ZNF846: variants seen among roughly 807,000 people sequenced by gnomAD.
ZNF846 encodes zinc finger protein 420 pseudogene.
In ZNF846, 15 loss-of-function variants were observed where a neutral mutation model predicts 16.0. That is an observed-to-expected ratio of 0.94 (90% CI 0.63 to 1.45). The LOEUF is 1.45. Among genes scored for constraint, ZNF846 ranks in the 40% most tolerant of loss-of-function variants. ZNF846 has a pLI of 0.00. For missense variants in ZNF846, 714 were observed against 622.3 expected, an observed-to-expected ratio of 1.15 and a Z score of -1.57; for synonymous variants, 229 against 212.0, an observed-to-expected ratio of 1.08 and a Z score of -0.70.
intron 1 of ZNF846, among the ~76,000 whole-genome samples, chr19:9,777,725 G>A (rs917543491): frequency 2.0e-5 from 3 of 151,888 alleles, no homozygotes; most frequent in South Asian, 2.1e-4. Context: ...GGCCAGGTGC[G>A]ATGGTTCATA....
At chr19:9,780,048 G>GTTTGT (rs2045485619) in intron 1 of ZNF846, among the ~76,000 whole-genome samples, 36 of 124,308 alleles carry the variant, frequency 2.9e-4, no homozygotes, top group African/African-American at 1.2e-3. Context: ...AGCTAATTTT[G>GTTTGT]TTTTTTTTTT....
At chr19:9,756,041 A>T (rs557105456), downstream of ZNF846, 1 of 148,910 alleles carries the variant, frequency 6.7e-6, no homozygotes, top group Non-Finnish European at 1.5e-5. Context: ...AGGTTTAACC[A>T]TGTTGGCAGG....
intron 1 of ZNF846, among the ~76,000 whole-genome samples, chr19:9,779,096 A>G (rs971684220): frequency 1.3e-4 from 20 of 152,186 alleles, no homozygotes; most frequent in African/African-American, 4.8e-4. Context: ...TGAGGGTTAG[A>G]TTAATATCCA....
At chr19:9,782,890 T>C (rs1448057593) in intron 1 of ZNF846, among the ~76,000 whole-genome samples, 2 of 151,878 alleles carry the variant, frequency 1.3e-5, no homozygotes, top group Admixed American at 6.6e-5. Context: ...TTCTACCTCT[T>C]CAAGCACTCC....
At chr19:9,768,511 G>A (rs1237427625) in exon 1 of ZNF846, 2 of 152,278 alleles carry the variant, frequency 1.3e-5, no homozygotes, top group East Asian at 3.9e-4. Flanking sequence ...AGAAGAGAAG[G>A]CGGGAACCCC....
chr19:9,758,757 C>T (rs1485073404), exon 6 of ZNF846: 2 of 1,560,660 alleles, frequency 1.3e-6, no homozygotes, highest in East Asian at 2.3e-5. Context: ...TGCAGTATTG[C>T]TTCTCTCCTG....
chr19:9,785,634 C>A (rs2045551700), intron 1 of ZNF846, among the ~76,000 whole-genome samples: 1 of 103,712 alleles, frequency 9.6e-6, no homozygotes, highest in Non-Finnish European at 2.0e-5. Context: ...CTCACCCAGA[C>A]CCCGCCCCAT....
At chr19:9,778,158 C>T (rs1247877832) in intron 1 of ZNF846, among the ~76,000 whole-genome samples, 1 of 151,748 alleles carries the variant, frequency 6.6e-6, no homozygotes, top group African/African-American at 2.4e-5. Context: ...TAAAGATGTT[C>T]AAAGAACTAA....
chr19:9,757,609 A>G lies in ZNF846; in HGVS notation c.1468T>C (p.Ser490Pro). ...CGTGTGTGAACGTTAAGGTATGTGG[A>G]ATACCTGAAGGCTTTCCCACATTCT... is the stretch of plus-strand genomic sequence containing the variant. Residue 490 changes from serine (S) to proline (P), a missense_variant, in exon 6 of 6, where the codon TCC becomes CCC. Transcript: ENST00000397902. The G allele has an allele frequency of 1.2e-6, 2 of 1,613,618 alleles. No homozygotes were observed. The highest frequency in any genetic ancestry group is 2.2e-5 in the East Asian group (1 of 44,878).
At chr19:9,781,658 A>G (rs547871309) in intron 1 of ZNF846, among the ~76,000 whole-genome samples, 45 of 152,318 alleles carry the variant, frequency 3.0e-4, no homozygotes, top group African/African-American at 1.1e-3. Context: ...TCCCACAAAA[A>G]AAAACTTTTT....
exon 2 of ZNF846, chr19:9,764,982 T>C: frequency 6.2e-7 from 1 of 1,613,848 alleles, no homozygotes; most frequent in Non-Finnish European, 8.5e-7. Flanking sequence ...GCCACTAGCC[T>C]TGGCTTCTCG....
intron 1 of ZNF846, among the ~76,000 whole-genome samples, chr19:9,765,637 C>G (rs543589372): frequency 6.6e-6 from 1 of 152,296 alleles, no homozygotes; most frequent in Admixed American, 6.5e-5. Context: ...TGCACCACTG[C>G]ACTCCAGCCT....
chr19:9,783,954 C>T (rs996694281), intron 1 of ZNF846, among the ~76,000 whole-genome samples: 7 of 152,122 alleles, frequency 4.6e-5, no homozygotes, highest in African/African-American at 1.2e-4. Context: ...CTGCCCGCTT[C>T]GGCCTCCCAA....
At chr19:9,774,518 A>T in intron 1 of ZNF846, 1 of 1,230,548 alleles carries the variant, frequency 8.1e-7, no homozygotes, top group East Asian at 2.3e-5. Context: ...CAGGAGGCTG[A>T]TTAAGAGCTT....
downstream of ZNF846, among the ~76,000 whole-genome samples, chr19:9,750,488 T>C (rs1434939230): frequency 1.3e-5 from 2 of 152,172 alleles, no homozygotes; most frequent in Admixed American, 1.3e-4. Context: ...CTTTTCACTT[T>C]ACATTTCCAG....
At chr19:9,751,335 A>G (rs1353062598), downstream of ZNF846, among the ~76,000 whole-genome samples, 1 of 152,088 alleles carries the variant, frequency 6.6e-6, no homozygotes, top group Admixed American at 6.6e-5. Context: ...TCACTCCTCC[A>G]TACAGCCCCA....
Position 9,785,936 on chromosome 19 carries a change from A to C in ZNF846, c.-86+2T>G, listed in dbSNP as rs1433220475. ...GTGGCTAAGCCGCACCTGAAGCCGCACCTGGTCGCAGAGGCTACTGCTGGG... is the reference window on the plus strand; with the variant it reads ...GTGGCTAAGCCGCACCTGAAGCCGCCCCTGGTCGCAGAGGCTACTGCTGGG... On this transcript the variant is annotated splice_donor_variant, in intron 1 of 4. Transcript: ENST00000586814. LOFTEE classifies it low-confidence loss of function (5UTR_SPLICE). The C allele has an allele frequency of 2.8e-5, 4 of 140,378 alleles. No individual in the cohort carries two copies. The highest frequency in any genetic ancestry group is 6.1e-5 in the Non-Finnish European group (4 of 65,628). 8.7% of individuals were successfully genotyped at this position (140,378 alleles called of 1,614,324 possible). A position where few individuals can be genotyped will look rare whatever the true frequency, so the allele number is the denominator to read the frequency against.
At chr19:9,751,631 CG>C (rs1276278313), downstream of ZNF846, among the ~76,000 whole-genome samples, 2 of 152,116 alleles carry the variant, frequency 1.3e-5, no homozygotes, top group Admixed American at 1.3e-4. Flanking sequence ...ACACCCTCCG[CG>C]CCCTTGTGAA....
downstream of ZNF846, chr19:9,756,376 T>C (rs2045137034): frequency 7.4e-6 from 1 of 134,864 alleles, no homozygotes; most frequent in East Asian, 2.1e-4. Context: ...TATATATATA[T>C]ATATATATAA....
Sources: allele counts gnomAD v4.1 joint callset (sites outside exome capture counted in the v4.1 genomes callset), GRCh38; gene constraint gnomAD v4.1.1; transcripts MANE v1.5; gene names NCBI Gene and HGNC (gene_info 2026-07-23, HGNC 2026-07-21).